The following CHD1L variants were observed in gnomAD, a reference collection of about 807,000 sequenced individuals.
CHD1L encodes chromodomain helicase DNA binding protein 1 like.
CHD1L carries 118 observed loss-of-function variants against 115.9 expected under a neutral mutation model. The ratio of observed to expected loss-of-function variants is 1.02; its 90% confidence interval spans 0.88 to 1.19. The LOEUF is 1.19. CHD1L is among the 50% of genes most tolerant of loss of function. CHD1L has a pLI of 0.00. For missense variants in CHD1L, 1,179 were observed against 1,065.3 expected (o/e 1.11, Z -1.49); for synonymous variants, 411 against 387.1 (o/e 1.06, Z -0.72).
intron 8 of CHD1L, among the ~76,000 whole-genome samples, chr1:147,267,028 A>G (rs1363259535): frequency 2.0e-5 from 3 of 152,216 alleles, no homozygotes; most frequent in Non-Finnish European, 2.9e-5. Context: ...GAACTGCTGT[A>G]TTTAAGAGAG....
chr1:147,275,799 AAGAT>A (rs1244437614), intron 13 of CHD1L, among the ~76,000 whole-genome samples: 1 of 149,182 alleles, frequency 6.7e-6, no homozygotes, highest in African/African-American at 2.5e-5. Context: ...AAAAAAAAGA[AAGAT>A]AGATGTTGCC....
At chr1:147,202,728 AG>A in the CHD1L span, among the ~76,000 whole-genome samples, 1 of 152,184 alleles carries the variant, frequency 6.6e-6, no homozygotes, top group Admixed American at 6.5e-5. Flanking sequence ...TGTTGCATTT[AG>A]TTATGCTTTG....
the CHD1L span, among the ~76,000 whole-genome samples, chr1:147,197,992 A>C: frequency 1.3e-5 from 2 of 152,168 alleles, no homozygotes; most frequent in Non-Finnish European, 2.9e-5. Context: ...TCTGAATTAG[A>C]GTTCTGTGGT....
chr1:147,287,135 G>T (rs1396395342), intron 18 of CHD1L, among the ~76,000 whole-genome samples: 1 of 152,210 alleles, frequency 6.6e-6, no homozygotes, highest in Admixed American at 6.5e-5. Flanking sequence ...TGACTGTGGT[G>T]CCTAGAACGA....
chr1:147,212,248 G>A, the CHD1L span: 6 of 758,304 alleles, frequency 7.9e-6, no homozygotes, highest in African/African-American at 1.1e-4. Context: ...GCCAACTGAG[G>A]TAATGAAACG....
the CHD1L span, chr1:147,201,519 A>G: frequency 3.8e-6 from 6 of 1,591,160 alleles, no homozygotes; most frequent in African/African-American, 1.3e-5. Flanking sequence ...GAGTCGTGAC[A>G]AAGATCAAGT....
the CHD1L span, among the ~76,000 whole-genome samples, chr1:147,222,538 T>G: frequency 6.6e-6 from 1 of 152,170 alleles, no homozygotes; most frequent in Non-Finnish European, 1.5e-5. Context: ...ATAGAAACTC[T>G]CTTTGAACTG....
chr1:147,194,024 T>C, the CHD1L span, among the ~76,000 whole-genome samples: 2 of 152,138 alleles, frequency 1.3e-5, no homozygotes, highest in Admixed American at 6.5e-5. Context: ...CTATTAGGTC[T>C]GCTTGGTGCA....
At chr1:147,283,406 A>T (rs1388268731) in intron 15 of CHD1L, among the ~76,000 whole-genome samples, 3 of 152,206 alleles carry the variant, frequency 2.0e-5, no homozygotes, top group Non-Finnish European at 4.4e-5. Flanking sequence ...GCTACTAAAT[A>T]TGCTTCCCGA....
chr1:147,255,998 T>C, intron 4 of CHD1L, 71 bp downstream of exon 4: 1 of 1,055,574 alleles, frequency 9.5e-7, no homozygotes, highest in Admixed American at 2.5e-5. Flanking sequence ...CTGCTGAAAT[T>C]ATATTTAAGT....
Position 147,242,699 on chromosome 1 carries a change from G to C in CHD1L, c.-5G>C, listed in dbSNP as rs1420787416. The C allele has an allele frequency of 2.4e-6, 3 of 1,260,536 alleles. No homozygotes were observed. Among genetic ancestry groups the C allele is most frequent in the Non-Finnish European group, 3.0e-6 (3 of 1,000,046 alleles). The allele number at this position is 1,260,536 out of a possible 1,614,324, so 78.1% of individuals were successfully genotyped here. On this transcript the variant is annotated 5_prime_UTR_variant, in exon 1 of 23. Transcript: ENST00000369258. ...GCCGCGCGGGGCGGGGCCTCTACCG[G>C]CCCGATGGAGCGCGCGGGCGCTACT...
the CHD1L span, among the ~76,000 whole-genome samples, chr1:147,236,732 T>C: frequency 6.6e-6 from 1 of 152,000 alleles, no homozygotes; most frequent in Admixed American, 6.6e-5. Context: ...GACCCTGGGG[T>C]GGGTAGCTCC....
At position 147,282,430 on chromosome 1, in the gene CHD1L, G is replaced by A. The variant is rs4950393; in HGVS notation, c.1706-1921G>A. Among the ~76,000 whole-genome samples the A allele has an allele frequency of 2.5e-3, 376 of 152,182 alleles. 1 individual carries two copies. Among genetic ancestry groups the A allele is most frequent in the African/African-American group, 8.8e-3 (364 of 41,512 alleles). ...AGTACTCTGTACTTGTAAGTCCTAA[G>A]CTCTTGGGGGATTGAGAGGGTCTCT... On this transcript the variant is annotated intron_variant, in intron 15 of 22. Transcript: ENST00000369258.
At chr1:147,275,595 C>A in intron 13 of CHD1L, 127 bp downstream of exon 13, 1 of 692,550 alleles carries the variant, frequency 1.4e-6, no homozygotes, top group Non-Finnish European at 2.5e-6. Context: ...TTTAGCTCAT[C>A]TGTGCTATTG....
chr1:147,292,266 A>G lies in CHD1L; in HGVS notation c.2391+714A>G, dbSNP rs1028021433. On this transcript the variant is annotated intron_variant, in intron 20 of 22. Transcript: ENST00000369258. ...TTCTTACTATGTGAAAATTTCTATGAAAGATTGTGTTTTCTAGTCAGCCAT... is the reference window on the plus strand; with the variant it reads ...TTCTTACTATGTGAAAATTTCTATGGAAGATTGTGTTTTCTAGTCAGCCAT... Among the ~76,000 whole-genome samples the G allele has an allele frequency of 2.6e-5, 4 of 152,200 alleles. No homozygotes were observed. The South Asian group carries it at 8.3e-4, about 32-fold the overall frequency.
intron 4 of CHD1L, 52 bp from the exon 5 acceptor site, chr1:147,256,479 T>C: frequency 6.7e-7 from 1 of 1,481,896 alleles, no homozygotes; most frequent in Admixed American, 1.7e-5. Flanking sequence ...AGCTTATCAA[T>C]ATCAGAGTTT....
chr1:147,288,339 A>AAAG (rs1559893079), intron 19 of CHD1L, among the ~76,000 whole-genome samples: 2 of 26,892 alleles, frequency 7.4e-5, no homozygotes, highest in Non-Finnish European at 9.1e-5. Context: ...AAAAAAAAAA[A>AAAG]AAAAAAAGAA....
chr1:147,265,203 C>CAT (rs1553947120), intron 7 of CHD1L, among the ~76,000 whole-genome samples: 30 of 152,122 alleles, frequency 2.0e-4, no homozygotes, highest in Non-Finnish European at 1.2e-4. Flanking sequence ...TTTGAGGGGG[C>CAT]TTCTCATAGC....
the CHD1L span, among the ~76,000 whole-genome samples, chr1:147,187,525 T>C: frequency 2.0e-5 from 3 of 152,166 alleles, no homozygotes; most frequent in Admixed American, 6.5e-5. Flanking sequence ...CGTTAGGTTC[T>C]TGAAGGATGT....
Sources: allele counts gnomAD v4.1 joint callset (sites outside exome capture counted in the v4.1 genomes callset), GRCh38; gene constraint gnomAD v4.1.1; transcripts MANE v1.5; gene names NCBI Gene and HGNC (gene_info 2026-07-23, HGNC 2026-07-21).